Variants in TNRC6B observed in about 807,000 individuals in gnomAD.
TNRC6B encodes the protein trinucleotide repeat containing adaptor 6B, also known as trinucleotide repeat-containing gene 6B protein.
In TNRC6B, 52 loss-of-function variants were observed where a neutral mutation model predicts 203.6. The observed-to-expected ratio is 0.26, with a 90% confidence interval of 0.20 to 0.32. TNRC6B has a LOEUF of 0.32. Ranked by LOEUF, TNRC6B falls within the 10% of genes least tolerant of loss-of-function variation. The probability of loss-of-function intolerance (pLI) is 1.00; values close to 1 mark genes in which losing one functional copy is unlikely to be tolerated. For missense variants in TNRC6B, 1,923 were observed against 2,286.2 expected (o/e 0.84, Z 3.24); for synonymous variants, 838 against 845.7 (o/e 0.99, Z 0.16).
chr22:40,048,555 A>T (rs1396224438), intron 1 of TNRC6B, among the ~76,000 whole-genome samples: 2 of 152,006 alleles, frequency 1.3e-5, no homozygotes, highest in East Asian at 3.8e-4. Context: ...AAAAAAAAAA[A>T]AAAATTTCCA....
At chr22:40,089,974 A>G (rs73424205) in intron 1 of TNRC6B, among the ~76,000 whole-genome samples, 6,711 of 152,232 alleles carry the variant, frequency 0.044, 448 homozygotes, top group African/African-American at 0.14. Flanking sequence ...ACTTGGTAGT[A>G]TGTATTTTAG....
chr22:40,170,152 C>T (rs2068957862), intron 4 of TNRC6B, among the ~76,000 whole-genome samples: 1 of 149,924 alleles, frequency 6.7e-6, no homozygotes, highest in South Asian at 2.1e-4. Flanking sequence ...GTGGCACACA[C>T]CTCTGGTCTC....
intron 1 of TNRC6B, among the ~76,000 whole-genome samples, chr22:40,204,544 G>C (rs1339575142): frequency 6.6e-6 from 1 of 152,202 alleles, no homozygotes. Flanking sequence ...TGACTAGCGA[G>C]CGTAAATTTT....
intron 4 of TNRC6B, among the ~76,000 whole-genome samples, chr22:40,162,068 T>C (rs2068875963): frequency 6.6e-6 from 1 of 152,140 alleles, no homozygotes; most frequent in Admixed American, 6.6e-5. Flanking sequence ...TGTGGGAAGA[T>C]CACTTGTTCT....
intron 1 of TNRC6B, among the ~76,000 whole-genome samples, chr22:40,077,663 T>C (rs1397028200): frequency 6.6e-6 from 1 of 152,186 alleles, no homozygotes; most frequent in Non-Finnish European, 1.5e-5. Context: ...ACACAAGTAA[T>C]AAATATTTAT....
At chr22:40,166,437 T>C (rs1448325537) in intron 4 of TNRC6B, among the ~76,000 whole-genome samples, 1 of 152,058 alleles carries the variant, frequency 6.6e-6, no homozygotes, top group Non-Finnish European at 1.5e-5. Context: ...TACTCTTTTT[T>C]TTTTTTTTCG....
At chr22:40,214,670 A>G (rs2069611147) in intron 1 of TNRC6B, among the ~76,000 whole-genome samples, 1 of 151,906 alleles carries the variant, frequency 6.6e-6, no homozygotes, top group Admixed American at 6.6e-5. Flanking sequence ...TTCTGGTCTC[A>G]ACCTCTTAAG....
chr22:40,149,512 C>CA (rs1463019862), intron 3 of TNRC6B, among the ~76,000 whole-genome samples: 14 of 151,350 alleles, frequency 9.3e-5, no homozygotes, highest in South Asian at 8.3e-4. Flanking sequence ...ACTAAAAATA[C>CA]AAAAAAAATT....
intron 1 of TNRC6B, among the ~76,000 whole-genome samples, chr22:40,208,111 C>CAAAAAAAAAAA (rs905832467): frequency 1.3e-5 from 1 of 74,960 alleles, no homozygotes; most frequent in Non-Finnish European, 3.4e-5. Flanking sequence ...GACTCCATCT[C>CAAAAAAAAAAA]AAAAAAAAAA....
At chr22:40,220,199 G>A (rs2069689547) in intron 1 of TNRC6B, among the ~76,000 whole-genome samples, 2 of 152,078 alleles carry the variant, frequency 1.3e-5, no homozygotes, top group South Asian at 2.1e-4. Context: ...GCTTACTCTG[G>A]GCTTATGGAG....
At chr22:40,274,059 T>C (rs991723746) in intron 7 of TNRC6B, among the ~76,000 whole-genome samples, 2 of 152,220 alleles carry the variant, frequency 1.3e-5, no homozygotes, top group African/African-American at 4.8e-5. Flanking sequence ...TTACCCTTCG[T>C]CTTGCTTTCC....
chr22:40,144,624 G>A (rs1216330798), intron 3 of TNRC6B, among the ~76,000 whole-genome samples: 5 of 147,456 alleles, frequency 3.4e-5, no homozygotes, highest in East Asian at 2.0e-4. Flanking sequence ...GCAGTGAGCC[G>A]AGATTGTGCC....
intron 4 of TNRC6B, among the ~76,000 whole-genome samples, chr22:40,168,514 T>G (rs766748003): frequency 1.4e-4 from 21 of 152,188 alleles, no homozygotes; most frequent in Non-Finnish European, 2.5e-4. Context: ...TCTAAGGAAT[T>G]TGAGAAAAAC....
intron 1 of TNRC6B, among the ~76,000 whole-genome samples, chr22:40,062,746 A>G (rs967730913): frequency 1.3e-5 from 2 of 152,084 alleles, no homozygotes; most frequent in East Asian, 3.9e-4. Context: ...CTTATTGGCT[A>G]TTTGTATATT....
At position 40,085,848 on chromosome 22, in the gene TNRC6B, C is replaced by CTGTTGTTGT. The variant is rs3044441; in HGVS notation, c.-120-31174_-120-31166dup. Among the ~76,000 whole-genome samples, 366 of 149,278 alleles carry CTGTTGTTGT rather than the reference C, an allele frequency of 2.5e-3. 1 individual carries two copies. Among genetic ancestry groups the CTGTTGTTGT allele is most frequent in the East Asian group, 2.6e-3 (13 of 5,096 alleles). On this transcript the variant is annotated intron_variant, in intron 1 of 23. Transcript: ENST00000301923. ...GCTAGAGAAACTATTTTTGTTGTTG[C>CTGTTGTTGT]TGTTGTTGTTGTTGTTGTTGTTGTT...
chr22:40,243,624 G>A (rs528588613), intron 1 of TNRC6B, among the ~76,000 whole-genome samples: 1 of 151,496 alleles, frequency 6.6e-6, no homozygotes, highest in East Asian at 1.9e-4. Flanking sequence ...TGCTCTTGTT[G>A]CCCAGGCTGG....
At chr22:40,139,755 A>C (rs544026050) in intron 3 of TNRC6B, among the ~76,000 whole-genome samples, 1 of 152,318 alleles carries the variant, frequency 6.6e-6, no homozygotes, top group South Asian at 2.1e-4. Context: ...TTTGTGTACA[A>C]GTTTTTGTGT....
intron 3 of TNRC6B, among the ~76,000 whole-genome samples, chr22:40,255,604 A>T (rs149706752): frequency 6.6e-6 from 1 of 152,358 alleles, no homozygotes; most frequent in East Asian, 1.9e-4. Flanking sequence ...GAGGTATTAC[A>T]AGACATGTGG....
At chr22:40,320,006 CAA>C (rs1601521873) in intron 21 of TNRC6B, among the ~76,000 whole-genome samples, 1 of 152,200 alleles carries the variant, frequency 6.6e-6, no homozygotes, top group East Asian at 1.9e-4. Context: ...ACTTATAAAA[CAA>C]TGCTAAGAGC....
Sources: allele counts gnomAD v4.1 joint callset (sites outside exome capture counted in the v4.1 genomes callset), GRCh38; gene constraint gnomAD v4.1.1; transcripts MANE v1.5; gene names NCBI Gene and HGNC (gene_info 2026-07-23, HGNC 2026-07-21).